The following TPX2 variants were observed in gnomAD, a reference collection of about 807,000 sequenced individuals.
The protein encoded by TPX2 is targeting protein for Xklp2.
TPX2 carries 21 observed loss-of-function variants against 93.6 expected under a neutral mutation model. The observed-to-expected ratio is 0.22, with a 90% CI of 0.16 to 0.32. The LOEUF (loss-of-function observed/expected upper bound fraction) is 0.32, where lower values mean the gene tolerates loss of function less well. TPX2 is among the 10% of genes least tolerant of loss of function. The probability of loss-of-function intolerance (pLI) is 1.00; values close to 1 mark genes in which losing one functional copy is unlikely to be tolerated. For synonymous variants in TPX2, 281 were observed against 298.3 expected (o/e 0.94, Z 0.60); for missense variants, 776 against 871.1 (o/e 0.89, Z 1.37).
rs533546914 is a variant in TPX2, at chr20:31,782,653, C to T, written c.1196+263C>T. 3.3e-5 allele frequency among the ~76,000 whole-genome samples: 5 copies of T among 151,832 alleles called. No homozygotes were observed. The South Asian group carries it at 6.3e-4, about 19-fold the overall frequency. The stretch of plus-strand genomic sequence containing the variant: ...CTGTAATCCCAGTACCTTGGGAGGC[C>T]GAGGCAAGAGGATCACTTGAGTCCA... On this transcript the variant is annotated intron_variant, in intron 11 of 17. Transcript: ENST00000300403.
At chr20:31,783,466 G>A (rs1263756210) in intron 11 of TPX2, among the ~76,000 whole-genome samples, 2 of 152,014 alleles carry the variant, frequency 1.3e-5, no homozygotes, top group East Asian at 3.9e-4. Context: ...GGCCAGGCTG[G>A]TCTTGAACTC....
chr20:31,783,260 A>T (rs1243841214), intron 11 of TPX2, among the ~76,000 whole-genome samples: 24 of 150,616 alleles, frequency 1.6e-4, no homozygotes, highest in South Asian at 2.1e-4. Flanking sequence ...TTATTTATTT[A>T]TTTTTTTTGA....
chr20:31,796,790 G>A (rs2062141421), intron 15 of TPX2, among the ~76,000 whole-genome samples: 1 of 151,528 alleles, frequency 6.6e-6, no homozygotes, highest in Non-Finnish European at 1.5e-5. Context: ...GGCAGAAAAT[G>A]TCTAGTTGTT....
At chr20:31,779,017 A>G in intron 10 of TPX2, 33 bp downstream of exon 10, 1 of 1,525,658 alleles carries the variant, frequency 6.6e-7, no homozygotes, top group Non-Finnish European at 8.8e-7. Flanking sequence ...AGTTGGATGG[A>G]ACCTCTCCTA....
chr20:31,762,736 A>C (rs2061897792), intron 4 of TPX2, among the ~76,000 whole-genome samples: 1 of 152,218 alleles, frequency 6.6e-6, no homozygotes, highest in South Asian at 2.1e-4. Flanking sequence ...ATATGGTAAG[A>C]AATAGATGTC....
At chr20:31,767,662 C>T (rs2061936586) in intron 5 of TPX2, among the ~76,000 whole-genome samples, 1 of 151,732 alleles carries the variant, frequency 6.6e-6, no homozygotes, top group South Asian at 2.1e-4. Context: ...AGCAGTCTTC[C>T]CACCTCAACC....
At chr20:31,748,901 T>C (rs2061800757) in intron 2 of TPX2, among the ~76,000 whole-genome samples, 1 of 152,178 alleles carries the variant, frequency 6.6e-6, no homozygotes, top group Non-Finnish European at 1.5e-5. Context: ...TGGAAGTTAT[T>C]ATCTCTTGCT....
At chr20:31,761,194 T>A (rs1270504489) in intron 4 of TPX2, among the ~76,000 whole-genome samples, 1 of 151,228 alleles carries the variant, frequency 6.6e-6, no homozygotes, top group African/African-American at 2.4e-5. Context: ...CCTCCTTCAA[T>A]TAATTTTTTT....
At chr20:31,782,656 G>A (rs936067818) in intron 11 of TPX2, among the ~76,000 whole-genome samples, 13 of 152,024 alleles carry the variant, frequency 8.6e-5, no homozygotes, top group African/African-American at 3.1e-4. Context: ...GGGAGGCCGA[G>A]GCAAGAGGAT....
At chr20:31,771,092 C>A (rs1486451643) in intron 6 of TPX2, among the ~76,000 whole-genome samples, 1 of 152,120 alleles carries the variant, frequency 6.6e-6, no homozygotes, top group Non-Finnish European at 1.5e-5. Context: ...AAGTCTTTCG[C>A]AGCAACCCTT....
At chr20:31,770,511 T>G (rs1255196949) in intron 6 of TPX2, 40 bp downstream of exon 6, 1 of 1,494,716 alleles carries the variant, frequency 6.7e-7, no homozygotes, top group Non-Finnish European at 8.9e-7. Context: ...GGCAGACATA[T>G]TGTACCTTGT....
At chr20:31,794,292 T>G in intron 14 of TPX2, 110 bp from the exon 15 acceptor site, 1 of 1,405,654 alleles carries the variant, frequency 7.1e-7, no homozygotes, top group Non-Finnish European at 9.6e-7. Context: ...TCTTTCATGC[T>G]GCTTTGAAAG....
At chr20:31,771,027 GAGA>G (rs1232464266) in intron 6 of TPX2, among the ~76,000 whole-genome samples, 3 of 151,522 alleles carry the variant, frequency 2.0e-5, no homozygotes, top group Non-Finnish European at 4.4e-5. Context: ...TTATGTTTAA[GAGA>G]AGAAGAAGAG....
intron 5 of TPX2, among the ~76,000 whole-genome samples, chr20:31,766,889 C>A (rs6058457): frequency 3.3e-5 from 5 of 149,684 alleles, no homozygotes; most frequent in African/African-American, 1.2e-4. Flanking sequence ...CAACCTCTGC[C>A]CCACCGTGTT....
intron 4 of TPX2, among the ~76,000 whole-genome samples, chr20:31,760,933 A>G (rs2061886018): frequency 6.7e-6 from 1 of 148,450 alleles, no homozygotes; most frequent in South Asian, 2.1e-4. Context: ...GTTAGAACAT[A>G]AGAAGCATTC....
intron 4 of TPX2, among the ~76,000 whole-genome samples, chr20:31,764,941 GTTTTGTTT>G (rs1184383580): frequency 9.4e-5 from 14 of 149,560 alleles, no homozygotes; most frequent in Non-Finnish European, 2.1e-4. Context: ...TTCTTATTCT[GTTTTGTTT>G]TTTTGTTTTT....
chr20:31,780,943 A>G (rs1220498970), intron 10 of TPX2: 2 of 411,004 alleles, frequency 4.9e-6, no homozygotes, highest in African/African-American at 4.3e-5. Context: ...TTTTAGAGAC[A>G]GGGTCTTGCT....
intron 2 of TPX2, among the ~76,000 whole-genome samples, chr20:31,748,018 C>T (rs1274282862): frequency 2.0e-5 from 3 of 151,932 alleles, no homozygotes; most frequent in Admixed American, 6.6e-5. Context: ...GTTAGCTTTT[C>T]GTTTTCTTGA....
At chr20:31,768,487 C>T (rs1472213852) in intron 5 of TPX2, among the ~76,000 whole-genome samples, 4 of 149,186 alleles carry the variant, frequency 2.7e-5, no homozygotes, top group East Asian at 2.0e-4. Context: ...CCTTGTAATC[C>T]GCCCACCGTG....
Sources: allele counts gnomAD v4.1 joint callset (sites outside exome capture counted in the v4.1 genomes callset), GRCh38; gene constraint gnomAD v4.1.1; transcripts MANE v1.5; gene names NCBI Gene and HGNC (gene_info 2026-07-23, HGNC 2026-07-21).